AHNAK: variants seen among roughly 807,000 people sequenced by gnomAD.
The protein encoded by AHNAK is AHNAK nucleoprotein.
Under a neutral mutation model 37.8 loss-of-function variants are expected in AHNAK, and 23 were observed. The observed-to-expected ratio is 0.61, with a 90% CI of 0.44 to 0.86. AHNAK has a LOEUF of 0.86. Among genes scored for constraint, AHNAK ranks in the 40% least tolerant of loss-of-function variants. The pLI, the probability that AHNAK is intolerant of heterozygous loss-of-function variation, is 0.00. For synonymous variants in AHNAK, 2,481 were observed against 2,636.3 expected (o/e 0.94, Z 1.80); for missense variants, 7,411 against 7,319.4 (o/e 1.01, Z -0.46).
At chr11:62,456,771 T>G (rs1201822581) in intron 5 of AHNAK, among the ~76,000 whole-genome samples, 1 of 152,172 alleles carries the variant, frequency 6.6e-6, no homozygotes, top group Non-Finnish European at 1.5e-5. Flanking sequence ...TTCACACTTA[T>G]AAGCCCCACC....
rs1314762883 is a variant in AHNAK at position 62,519,358 on chromosome 11, T to C, written c.15059A>G (p.Lys5020Arg). ...AATTTTAGGCATTTTAAACTTACTT[T>C]TCTTGCCCTTGCCACCAACACTAAT... is the stretch of plus-strand genomic sequence containing the variant. ...PEISVGGKGK[K>R]SKFKMPKIHM... Residue 5020 changes from lysine (K) to arginine (R), a missense_variant, in exon 5 of 5, where the codon AAA (lysine) becomes AGA (arginine). By Grantham distance (26) the Lys-to-Arg change is conservative. Coordinates refer to ENST00000378024, the MANE Select transcript of AHNAK (RefSeq NM_001620.3). 6.2e-7 allele frequency: 1 copy of C among 1,614,108 alleles called. No individual in the cohort carries two copies. The highest frequency in any genetic ancestry group is 1.3e-5 in the African/African-American group (1 of 75,018).
Position 62,528,602 on chromosome 11 carries a change from C to T in AHNAK, c.5815G>A (p.Asp1939Asn). The T allele has an allele frequency of 6.2e-7, 1 of 1,610,884 alleles. No homozygotes were observed. The highest frequency in any genetic ancestry group is 1.3e-5 in the African/African-American group (1 of 74,626). ...AATTTTGGCACCGACACATCCACATCCCCTTTGACTTTGGGGCCTTTCAAG... is the reference window on the plus strand; with the variant it reads ...AATTTTGGCACCGACACATCCACATTCCCTTTGACTTTGGGGCCTTTCAAG... ...LHLKGPKVKG[D>N]VDVSVPKLEG... The change falls in exon 5 of 5, where the codon GAT becomes AAT. Residue 1939 changes from aspartate to asparagine, a missense_variant. By Grantham distance (23) the Asp-to-Asn change is conservative. Transcript: ENST00000378024.
At chr11:62,447,526 G>A (rs998928460) in intron 5 of AHNAK, among the ~76,000 whole-genome samples, 3 of 152,226 alleles carry the variant, frequency 2.0e-5, no homozygotes, top group Non-Finnish European at 4.4e-5. Flanking sequence ...GAGGGCCTCG[G>A]TGACACTGAC....
Position 62,517,639 on chromosome 11 carries a change from G to A in AHNAK, c.16778C>T (p.Ser5593Phe). The change falls in exon 5 of 5, where the codon TCC becomes TTC. Residue 5593 changes from serine to phenylalanine, a missense_variant. Physicochemically the swap from Ser to Phe is radical, Grantham distance 155. Coordinates refer to ENST00000378024, the MANE Select transcript of AHNAK (RefSeq NM_001620.3). ...LGEGHLSVKGSGGEWKGPQVS... is the reference protein window; with the variant it reads ...LGEGHLSVKGFGGEWKGPQVS... ...TTGGGGTCCCTTCCACTCACCCCCG[G>A]AACCTTTAACACTCAAATGCCCTTC... 1.9e-6 allele frequency: 3 copies of A among 1,614,076 alleles called. No individual in the cohort carries two copies. Among genetic ancestry groups the A allele is most frequent in the Non-Finnish European group, 2.5e-6 (3 of 1,180,010 alleles).
chr11:62,538,341 T>G (rs749264308), intron 1 of AHNAK, among the ~76,000 whole-genome samples: 20 of 152,148 alleles, frequency 1.3e-4, no homozygotes, highest in Admixed American at 2.6e-4. Context: ...AAGCATTTAG[T>G]AATAAATTCG....
chr11:62,505,258 T>C (rs1340275965), intron 4 of AHNAK, among the ~76,000 whole-genome samples: 1 of 152,070 alleles, frequency 6.6e-6, no homozygotes, highest in Non-Finnish European at 1.5e-5. Context: ...TCCAACCCAG[T>C]CTGCGGGCAC....
At chr11:62,445,480 C>T (rs551163775) in intron 5 of AHNAK, among the ~76,000 whole-genome samples, 1 of 152,252 alleles carries the variant, frequency 6.6e-6, no homozygotes, top group East Asian at 1.9e-4. Context: ...CAATCCTACT[C>T]CCTGGGCCCC....
intron 1 of AHNAK, chr11:62,541,769 T>C (rs1486418192): frequency 2.6e-5 from 4 of 152,198 alleles, no homozygotes; most frequent in Non-Finnish European, 2.9e-5. Flanking sequence ...AGAGATAAGA[T>C]GACTTGCCCA....
chr11:62,489,408 G>A (rs1304431154), intron 5 of AHNAK, among the ~76,000 whole-genome samples: 2 of 152,166 alleles, frequency 1.3e-5, no homozygotes, highest in Non-Finnish European at 2.9e-5. Context: ...ACTTCACCCC[G>A]AGAGCCATGA....
intron 4 of AHNAK, among the ~76,000 whole-genome samples, chr11:62,493,624 G>A (rs901657006): frequency 4.0e-5 from 6 of 150,944 alleles, no homozygotes; most frequent in Non-Finnish European, 8.8e-5. Flanking sequence ...GTGAGCCACC[G>A]TGCCCAGCCT....
chr11:62,539,697 T>C (rs1380605103), intron 1 of AHNAK, among the ~76,000 whole-genome samples: 3 of 152,130 alleles, frequency 2.0e-5, no homozygotes, highest in Admixed American at 2.0e-4. Context: ...CCATCCTAAG[T>C]AGACACCGAT....
At chr11:62,481,091 T>G (rs1468187219) in intron 5 of AHNAK, among the ~76,000 whole-genome samples, 3 of 3,274 alleles carry the variant, frequency 9.2e-4, no homozygotes, top group African/African-American at 7.4e-3. Context: ...TTTTTTTGGT[T>G]TTTTTTTTTT....
At chr11:62,438,331 T>C (rs35336207) in intron 5 of AHNAK, among the ~76,000 whole-genome samples, 12,481 of 151,626 alleles carry the variant, frequency 0.082, 1,681 homozygotes, top group African/African-American at 0.29. Context: ...TACAGGTGCC[T>C]GCCACCACGT....
In AHNAK at chr11:62,530,598, T is replaced by C. The variant is rs780159667; in HGVS notation, c.3819A>G (p.Glu1273=). Residue 1273 remains glutamate, a synonymous_variant, in exon 5 of 5, where the codon GAA becomes GAG. Coordinates refer to ENST00000378024, the MANE Select transcript of AHNAK (RefSeq NM_001620.3). The part of the protein sequence containing the change: ...SMPGFKGEGR[E]VDVNLPKADI... The stretch of plus-strand genomic sequence containing the variant: ...CAGCCTTGGGCAGGTTCACATCCAC[T>C]TCTCGGCCCTCTCCTTTGAAGCCAG... 1.2e-6 allele frequency: 2 copies of C among 1,612,202 alleles called. No individual in the cohort carries two copies. Among genetic ancestry groups the C allele is most frequent in the Middle Eastern group, 1.7e-4 (1 of 6,046 alleles).
At chr11:62,510,400 G>T (rs913689882) in intron 4 of AHNAK, among the ~76,000 whole-genome samples, 1 of 152,040 alleles carries the variant, frequency 6.6e-6, no homozygotes, top group Non-Finnish European at 1.5e-5. Flanking sequence ...ATGGGTAAAG[G>T]ATCATGATGT....
At chr11:62,498,446 T>TATATGGTGTAATTATAATTACACC in intron 4 of AHNAK, among the ~76,000 whole-genome samples, 1 of 151,702 alleles carries the variant, frequency 6.6e-6, no homozygotes, top group African/African-American at 2.4e-5. Flanking sequence ...ATAATTACAC[T>TATATGGTGTAATTATAATTACACC]ATATGGTGTA....
intron 4 of AHNAK, among the ~76,000 whole-genome samples, chr11:62,505,388 C>A (rs946263726): frequency 6.6e-6 from 1 of 152,142 alleles, no homozygotes; most frequent in African/African-American, 2.4e-5. Flanking sequence ...TCTCTAGAGA[C>A]CAGGGTCTCA....
intron 4 of AHNAK, among the ~76,000 whole-genome samples, chr11:62,508,218 C>T (rs372039372): frequency 5.9e-5 from 9 of 152,288 alleles, no homozygotes; most frequent in African/African-American, 2.2e-4. Flanking sequence ...AAAAGAAATT[C>T]CCAGCTTCTT....
At position 62,475,654 on chromosome 11, in the gene AHNAK, G is replaced by C. The variant is rs1049888804; in HGVS notation, c.442+16078C>G. Among the ~76,000 whole-genome samples the C allele has an allele frequency of 4.6e-4, 66 of 143,142 alleles. 2 individuals are homozygous for C. The highest frequency in any genetic ancestry group is 4.5e-4 in the Admixed American group (6 of 13,424). The allele number at this position is 143,142 out of a possible 152,430, so 93.9% of individuals were successfully genotyped here. ...GAGTCTCACTCTGTCACCCAGGCCA[G>C]AGTGCAGTGGCGCGATCTCAGCTCA... On this transcript the variant is annotated intron_variant, in intron 5 of 5. Transcript: ENST00000257247.
Sources: allele counts gnomAD v4.1 joint callset (sites outside exome capture counted in the v4.1 genomes callset), GRCh38; gene constraint gnomAD v4.1.1; transcripts MANE v1.5; gene names NCBI Gene and HGNC (gene_info 2026-07-23, HGNC 2026-07-21).